ZNF581: variants seen among roughly 807,000 people sequenced by gnomAD.
ZNF581 encodes the protein zinc finger protein 581.
A neutral mutation model predicts 1.2 loss-of-function variants in ZNF581; 1 was observed. The ratio of observed to expected loss-of-function variants is 0.83; its 90% CI spans 0.30 to 3.95. The LOEUF (loss-of-function observed/expected upper bound fraction) is 3.95, where lower values mean the gene tolerates loss of function less well. Among genes scored for constraint, ZNF581 ranks in the 30% most tolerant of loss-of-function variants. The pLI is 0.18. For synonymous variants in ZNF581, 105 were observed against 109.2 expected, an observed-to-expected ratio of 0.96 and a Z score of 0.24; for missense variants, 273 against 274.6, an observed-to-expected ratio of 0.99 and a Z score of 0.04.
upstream of ZNF581, chr19:55,642,724 GC>G: frequency 2.0e-6 from 3 of 1,510,326 alleles, no homozygotes; most frequent in Non-Finnish European, 2.7e-6. Context: ...TGGAGGAGGA[GC>G]CCCGGGGCCC....
upstream of ZNF581, among the ~76,000 whole-genome samples, chr19:55,639,308 T>A (rs1257359632): frequency 6.6e-6 from 1 of 152,102 alleles, no homozygotes; most frequent in Non-Finnish European, 1.5e-5. Flanking sequence ...GCTCAAAATG[T>A]GTGGTGGCCC....
upstream of ZNF581, chr19:55,642,456 G>A: frequency 8.6e-6 from 12 of 1,397,296 alleles, no homozygotes; most frequent in Non-Finnish European, 1.1e-5. Flanking sequence ...TTCCTAAAAG[G>A]AAGTGGCAAT....
chr19:55,636,727 C>T (rs549615392), upstream of ZNF581, among the ~76,000 whole-genome samples: 46 of 152,158 alleles, frequency 3.0e-4, no homozygotes, highest in Non-Finnish European at 5.3e-4. Flanking sequence ...AGACGGAGGA[C>T]GCAGAGCAGG....
At chr19:55,637,574 G>C (rs1982166498), upstream of ZNF581, among the ~76,000 whole-genome samples, 1 of 152,040 alleles carries the variant, frequency 6.6e-6, no homozygotes, top group Non-Finnish European at 1.5e-5. Context: ...AGAGGGGAGG[G>C]AGAGAGTGAT....
In ZNF581 at chr19:55,645,067, G is replaced by C. The variant is rs1008458385; in HGVS notation, c.496G>C (p.Val166Leu). 2 of 1,567,460 alleles carry C rather than the reference G, an allele frequency of 1.3e-6. No individual in the cohort carries two copies. Among genetic ancestry groups the C allele is most frequent in the Non-Finnish European group, 1.7e-6 (2 of 1,150,560 alleles). The change falls in exon 2 of 2, where the codon GTG becomes CTG. Residue 166 changes from valine to leucine, a missense_variant. By Grantham distance (32) the Val-to-Leu change is conservative. Transcript: ENST00000270451. ...GGGTGAGCTGGCCCAGCACAGCCGGGTGCACTCTGGGGAACGCCCGTTTCA... is the reference window on the plus strand; with the variant it reads ...GGGTGAGCTGGCCCAGCACAGCCGGCTGCACTCTGGGGAACGCCCGTTTCA... ...DAGELAQHSR[V>L]HSGERPFQCP...
upstream of ZNF581, among the ~76,000 whole-genome samples, chr19:55,637,492 G>A (rs2864434): frequency 0.69 from 105,585 of 151,944 alleles, 37,895 homozygotes; most frequent in Middle Eastern, 0.84. Context: ...AGCTGAGATC[G>A]TGCCACTGTA....
chr19:55,637,505 C>T (rs112009339), upstream of ZNF581, among the ~76,000 whole-genome samples: 2,957 of 152,112 alleles, frequency 0.019, 108 homozygotes, highest in African/African-American at 0.067. Flanking sequence ...CCACTGTACT[C>T]AAGCCTGGGC....
upstream of ZNF581, chr19:55,641,187 C>G (rs1428628963): frequency 1.0e-6 from 1 of 984,708 alleles, no homozygotes; most frequent in Non-Finnish European, 1.2e-6. Context: ...GCACGGGGTA[C>G]GGGGGCCGGG....
chr19:55,643,194 C>T (rs1206440815), upstream of ZNF581: 13 of 1,164,354 alleles, frequency 1.1e-5, no homozygotes, highest in Admixed American at 4.2e-5. Flanking sequence ...TCCTTCCTTA[C>T]CCCCTTTCTA....
At chr19:55,642,936 G>A (rs1714884528), upstream of ZNF581, 8 of 1,453,742 alleles carry the variant, frequency 5.5e-6, no homozygotes, top group Admixed American at 2.7e-5. Flanking sequence ...GCCACGCACC[G>A]CGCCCGCGCC....
upstream of ZNF581, chr19:55,640,970 C>T (rs1982422109): frequency 1.0e-6 from 1 of 985,362 alleles, no homozygotes; most frequent in Non-Finnish European, 1.2e-6. Context: ...GCGGCGGAAC[C>T]TCCGCACTGG....
chr19:55,645,176 CG>C lies in ZNF581; in HGVS notation c.*14del. ...TGGAAGCATCCATGAGCCGGGCTGC[CG>C]GGTGCCCCAGGTACCACAGGACTTT... is the stretch of plus-strand genomic sequence containing the variant. On this transcript the variant is annotated 3_prime_UTR_variant, in exon 2 of 2. Coordinates refer to ENST00000270451, the MANE Select transcript of ZNF581 (RefSeq NM_016535.4). 6.6e-7 allele frequency: 1 copy of C among 1,511,142 alleles called. No homozygotes were observed. The highest frequency in any genetic ancestry group is 8.9e-7 in the Non-Finnish European group (1 of 1,127,762). 93.6% of individuals were successfully genotyped at this position (1,511,142 alleles called of 1,614,324 possible). A position where few individuals can be genotyped will look rare whatever the true frequency, so the allele number is the denominator to read the frequency against.
chr19:55,638,922 C>T (rs201267593), upstream of ZNF581, among the ~76,000 whole-genome samples: 3 of 146,106 alleles, frequency 2.1e-5, no homozygotes, highest in East Asian at 6.1e-4. Flanking sequence ...GGAGAATCAC[C>T]TGAGCCCGGG....
upstream of ZNF581, among the ~76,000 whole-genome samples, chr19:55,639,266 C>T (rs1982296391): frequency 6.6e-6 from 1 of 152,102 alleles, no homozygotes; most frequent in Non-Finnish European, 1.5e-5. Context: ...CTACAGTGCA[C>T]AGGATGGGCC....
chr19:55,640,779 C>T (rs921485328), upstream of ZNF581: 1 of 985,496 alleles, frequency 1.0e-6, no homozygotes, highest in Non-Finnish European at 1.2e-6. Flanking sequence ...AGGGCGAAGA[C>T]GTAACTTTGC....
upstream of ZNF581, chr19:55,643,087 A>G (rs1463115169): frequency 3.0e-6 from 4 of 1,332,512 alleles, no homozygotes; most frequent in Non-Finnish European, 9.6e-7. Context: ...TGACCCACAC[A>G]GCGTCACTCA....
upstream of ZNF581, among the ~76,000 whole-genome samples, chr19:55,639,906 C>T (rs1001687946): frequency 6.6e-6 from 1 of 152,166 alleles, no homozygotes; most frequent in East Asian, 1.9e-4. Context: ...TGTGAGCCAC[C>T]GTGCTGATTA....
upstream of ZNF581, chr19:55,640,254 C>T (rs1982369804): frequency 2.0e-6 from 2 of 985,498 alleles, no homozygotes; most frequent in Non-Finnish European, 2.4e-6. Context: ...AGCGCCACCG[C>T]GCGTTGCTTT....
Position 55,644,608 on chromosome 19 carries a change from G to A in ZNF581, c.37G>A (p.Ala13Thr), listed in dbSNP as rs766427120. The change falls in exon 2 of 2, where the codon GCA becomes ACA. Residue 13 changes from alanine to threonine, a missense_variant. Transcript: ENST00000270451. The surrounding 1 kb of genome is among the most constrained non-coding windows in gnomAD (Gnocchi z 4.3). ...VLPSPCPQPL[A>T]FSSVETMEGP... is the part of the protein sequence containing the mutation. ...GCCATCCCCCTGCCCTCAGCCTCTG[G>A]CATTTTCCTCCGTTGAGACCATGGA... 2 of 1,606,890 alleles carry A rather than the reference G, an allele frequency of 1.2e-6. No homozygotes were observed. Among genetic ancestry groups the A allele is most frequent in the South Asian group, 1.1e-5 (1 of 89,832 alleles).
Sources: gnomAD v4.1 joint callset for allele counts (sites outside exome capture counted in the v4.1 genomes callset) on GRCh38, gnomAD v4.1.1 for gene constraint, Gnocchi (gnomAD v3.1) non-coding constraint, MANE v1.5 for transcripts, NCBI Gene and HGNC (gene_info 2026-07-23, HGNC 2026-07-21) for gene names.